The following PGCKA1 variants were observed in gnomAD, a reference collection of about 807,000 sequenced individuals.
The protein encoded by PGCKA1 is PDCD10 and GCKIII kinases-associated protein 1.
the PGCKA1 span, among the ~76,000 whole-genome samples, chr4:37,535,051 G>T: frequency 6.6e-6 from 1 of 152,320 alleles, no homozygotes; most frequent in African/African-American, 2.4e-5. Flanking sequence ...TGCCATGAGA[G>T]TTCAGAACTA....
chr4:37,456,464 T>G, the PGCKA1 span, among the ~76,000 whole-genome samples: 1 of 152,206 alleles, frequency 6.6e-6, no homozygotes, highest in South Asian at 2.1e-4. Flanking sequence ...AACAGAAAAT[T>G]AAAACTCTGA....
chr4:37,491,595 A>G, the PGCKA1 span, among the ~76,000 whole-genome samples: 18 of 152,138 alleles, frequency 1.2e-4, no homozygotes, highest in African/African-American at 3.9e-4. Flanking sequence ...CAGGTACCTT[A>G]TCAATTCTTA....
chr4:37,588,977 A>G, the PGCKA1 span: 3 of 1,037,232 alleles, frequency 2.9e-6, no homozygotes, highest in South Asian at 3.9e-5. Context: ...CCATGCGTGT[A>G]TTCAGTGCAT....
chr4:37,529,907 GTAT>G, the PGCKA1 span, among the ~76,000 whole-genome samples: 9 of 152,084 alleles, frequency 5.9e-5, no homozygotes, highest in Non-Finnish European at 1.3e-4. Flanking sequence ...TATAAGATAG[GTAT>G]TATTATCTCG....
the PGCKA1 span, among the ~76,000 whole-genome samples, chr4:37,570,549 G>C: frequency 6.6e-6 from 1 of 151,860 alleles, no homozygotes; most frequent in Non-Finnish European, 1.5e-5. Context: ...TTCTATAAAG[G>C]CAGCACAGCT....
chr4:37,567,953 A>T, the PGCKA1 span, among the ~76,000 whole-genome samples: 4 of 152,250 alleles, frequency 2.6e-5, no homozygotes, highest in Non-Finnish European at 4.4e-5. Flanking sequence ...CGTAAAGACT[A>T]CAGGAGGGAC....
chr4:37,510,268 T>G, the PGCKA1 span, among the ~76,000 whole-genome samples: 1 of 152,124 alleles, frequency 6.6e-6, no homozygotes, highest in Non-Finnish European at 1.5e-5. Flanking sequence ...TTGATATTTA[T>G]GGAAGTTCAT....
At chr4:37,496,925 A>C in the PGCKA1 span, among the ~76,000 whole-genome samples, 1 of 151,940 alleles carries the variant, frequency 6.6e-6, no homozygotes, top group African/African-American at 2.4e-5. Flanking sequence ...TAGGAATACT[A>C]GTGATTTTTT....
chr4:37,570,146 A>ATTTTTTTTTTTTTTT, the PGCKA1 span, among the ~76,000 whole-genome samples: 4 of 78,930 alleles, frequency 5.1e-5, no homozygotes, highest in East Asian at 4.1e-4. Flanking sequence ...CGCCTGGCTA[A>ATTTTTTTTTTTTTTT]TTTTTTTTTT....
At chr4:37,470,462 A>G in the PGCKA1 span, among the ~76,000 whole-genome samples, 3 of 152,138 alleles carry the variant, frequency 2.0e-5, no homozygotes, top group Non-Finnish European at 4.4e-5. Context: ...TGCCTACTGT[A>G]TGGTACTAAT....
the PGCKA1 span, among the ~76,000 whole-genome samples, chr4:37,477,766 G>T: frequency 6.6e-6 from 1 of 152,066 alleles, no homozygotes; most frequent in South Asian, 2.1e-4. Context: ...TCTTCCTGTG[G>T]GTAAAAACAA....
At chr4:37,545,393 C>A in the PGCKA1 span, among the ~76,000 whole-genome samples, 1 of 152,186 alleles carries the variant, frequency 6.6e-6, no homozygotes, top group Non-Finnish European at 1.5e-5. Flanking sequence ...ACTCAACCTG[C>A]ATTCTTTGGC....
chr4:37,583,228 GC>G, the PGCKA1 span, among the ~76,000 whole-genome samples: 1 of 152,196 alleles, frequency 6.6e-6, no homozygotes, highest in South Asian at 2.1e-4. Context: ...TTTAAAGGCA[GC>G]TTCCAGATGG....
At chr4:37,542,517 C>T in the PGCKA1 span, among the ~76,000 whole-genome samples, 52 of 152,274 alleles carry the variant, frequency 3.4e-4, no homozygotes, top group African/African-American at 1.1e-3. Context: ...CTGTAAAAAA[C>T]GCCATTTAAG....
chr4:37,576,735 T>C, the PGCKA1 span, among the ~76,000 whole-genome samples: 6 of 152,180 alleles, frequency 3.9e-5, no homozygotes, highest in African/African-American at 1.4e-4. Context: ...TGGCTTTTAT[T>C]ATGTCGAGGT....
the PGCKA1 span, among the ~76,000 whole-genome samples, chr4:37,574,076 T>A: frequency 1.3e-5 from 2 of 151,916 alleles, no homozygotes; most frequent in African/African-American, 4.8e-5. Context: ...TAATCCCAGC[T>A]ACTCAGGAGG....
At chr4:37,466,020 A>G in the PGCKA1 span, among the ~76,000 whole-genome samples, 1 of 88,282 alleles carries the variant, frequency 1.1e-5, no homozygotes, top group Non-Finnish European at 2.3e-5. Context: ...AGGGTAAAAG[A>G]TACTGGATTG....
the PGCKA1 span, among the ~76,000 whole-genome samples, chr4:37,483,844 G>A: frequency 6.6e-6 from 1 of 152,168 alleles, no homozygotes; most frequent in South Asian, 2.1e-4. Flanking sequence ...ATCTATGTGG[G>A]CTGGGAGGTG....
chr4:37,563,098 C>A, the PGCKA1 span, among the ~76,000 whole-genome samples: 1 of 152,082 alleles, frequency 6.6e-6, no homozygotes, highest in African/African-American at 2.4e-5. Context: ...GTCTTCCGAC[C>A]AGTTCTTGCT....
Sources: allele counts gnomAD v4.1 joint callset (sites outside exome capture counted in the v4.1 genomes callset), GRCh38; gene constraint gnomAD v4.1.1; transcripts MANE v1.5; gene names NCBI Gene and HGNC (gene_info 2026-07-23, HGNC 2026-07-21).